The following RSPO2 variants were observed in gnomAD, a reference collection of about 807,000 sequenced individuals.
The protein encoded by RSPO2 is R-spondin 2, also known as R-spondin-2.
In RSPO2, 14 loss-of-function variants were observed where a neutral mutation model predicts 30.9. The ratio of observed to expected loss-of-function variants is 0.45; its 90% CI spans 0.30 to 0.71. The LOEUF (loss-of-function observed/expected upper bound fraction) is 0.71. RSPO2 is among the 30% of genes least tolerant of loss of function. The pLI, the probability that RSPO2 is intolerant of heterozygous loss-of-function variation, is 0.08. For missense variants in RSPO2, 264 were observed against 301.9 expected (o/e 0.87, Z 0.93); for synonymous variants, 107 against 96.4 (o/e 1.11, Z -0.64).
intron 4 of RSPO2, among the ~76,000 whole-genome samples, chr8:107,960,426 TAAA>T (rs542532693): frequency 1.3e-5 from 2 of 151,202 alleles, no homozygotes; most frequent in Admixed American, 1.3e-4. Flanking sequence ...CACGGATGAT[TAAA>T]AAAAAACCTT....
chr8:108,081,447 T>C (rs1813192337), intron 2 of RSPO2, among the ~76,000 whole-genome samples: 2 of 152,178 alleles, frequency 1.3e-5, no homozygotes, highest in Non-Finnish European at 2.9e-5. Context: ...AAATTCTAAT[T>C]GCGCAAAAGT....
chr8:108,019,840 A>C (rs1811004319), intron 2 of RSPO2, among the ~76,000 whole-genome samples: 1 of 152,158 alleles, frequency 6.6e-6, no homozygotes, highest in East Asian at 1.9e-4. Context: ...TTAAAAGGGT[A>C]GACTTTGTGC....
rs750816937 is a variant in RSPO2 at position 107,974,841 on chromosome 8, T to TACACACACAC, written c.284-14025_284-14024insGTGTGTGTGT. ...TCATGCAGGATTGTGAACACACACA[T>TACACACACAC]ACACATACACACACACACACACACA... On this transcript the variant is annotated intron_variant, in intron 3 of 5. Transcript: ENST00000276659. Among the ~76,000 whole-genome samples the TACACACACAC allele has an allele frequency of 9.5e-4, 90 of 94,410 alleles. 3 individuals are homozygous for TACACACACAC. In the South Asian group the frequency reaches 0.031, roughly 32 times the overall value. The allele number at this position is 94,410 out of a possible 152,430, so 61.9% of individuals were successfully genotyped here.
At chr8:107,905,249 G>T (rs1480181216) in intron 5 of RSPO2, among the ~76,000 whole-genome samples, 1 of 152,016 alleles carries the variant, frequency 6.6e-6, no homozygotes, top group African/African-American at 2.4e-5. Context: ...GTAAGGCACC[G>T]AGGCTGTCTA....
Position 108,065,829 on chromosome 8 carries a change from G to C in RSPO2, c.94+16716C>G, listed in dbSNP as rs535535117. Among the ~76,000 whole-genome samples the C allele has an allele frequency of 3.3e-5, 5 of 152,292 alleles. 1 individual carries two copies. The highest frequency in any genetic ancestry group is 1.2e-4 in the African/African-American group (5 of 41,554). ...AAGGTGGGCGGATCACCTGAGATCAGTAGTTCCAGACCAGCCTGGCCAACA... is the reference window on the plus strand; with the variant it reads ...AAGGTGGGCGGATCACCTGAGATCACTAGTTCCAGACCAGCCTGGCCAACA... On this transcript the variant is annotated intron_variant, in intron 2 of 5. Coordinates refer to ENST00000276659, the MANE Select transcript of RSPO2 (RefSeq NM_178565.5).
intron 5 of RSPO2, among the ~76,000 whole-genome samples, chr8:107,937,822 T>C (rs1812769048): frequency 6.6e-6 from 1 of 152,114 alleles, no homozygotes; most frequent in Non-Finnish European, 1.5e-5. Flanking sequence ...AAATTTTTAG[T>C]AACTGGATGC....
chr8:108,021,166 C>G (rs193004531), intron 2 of RSPO2, among the ~76,000 whole-genome samples: 1 of 152,294 alleles, frequency 6.6e-6, no homozygotes, highest in East Asian at 1.9e-4. Flanking sequence ...ATCCCTAAGG[C>G]TTGGTCTCAA....
chr8:108,004,806 T>C (rs950692102), intron 2 of RSPO2, among the ~76,000 whole-genome samples: 1 of 152,228 alleles, frequency 6.6e-6, no homozygotes, highest in Non-Finnish European at 1.5e-5. Context: ...CCCTCTTACC[T>C]CTAAAATTTT....
At chr8:107,969,802 T>C (rs1813933631) in intron 3 of RSPO2, among the ~76,000 whole-genome samples, 1 of 152,164 alleles carries the variant, frequency 6.6e-6, no homozygotes, top group Non-Finnish European at 1.5e-5. Flanking sequence ...AGATTTTAAA[T>C]TCCTGCCATT....
At chr8:107,941,777 C>T (rs1325823383) in intron 5 of RSPO2, among the ~76,000 whole-genome samples, 1 of 152,064 alleles carries the variant, frequency 6.6e-6, no homozygotes, top group Non-Finnish European at 1.5e-5. Flanking sequence ...ACTCTATAAA[C>T]AATGTAGTAA....
intron 2 of RSPO2, among the ~76,000 whole-genome samples, chr8:108,003,271 GTGTGTGTATATA>G (rs1815314215): frequency 5.8e-4 from 43 of 73,650 alleles, no homozygotes; most frequent in Non-Finnish European, 6.0e-4. Context: ...GTGTGTGTGT[GTGTGTGTATATA>G]TATATATATA....
chr8:107,983,589 T>C (rs4035020), intron 3 of RSPO2: 1 of 1,598,090 alleles, frequency 6.3e-7, no homozygotes, highest in Middle Eastern at 2.1e-4. Flanking sequence ...GTATTGGAAG[T>C]AAAGCCCCAA....
At chr8:107,922,213 G>C (rs1812196454) in intron 5 of RSPO2, among the ~76,000 whole-genome samples, 1 of 152,082 alleles carries the variant, frequency 6.6e-6, no homozygotes, top group Non-Finnish European at 1.5e-5. Context: ...CACAGCCTCA[G>C]CCCTAAAGCT....
Position 107,958,119 on chromosome 8 carries a change from A to G in RSPO2, c.577T>C (p.Ser193Pro). The G allele has an allele frequency of 2.5e-6, 4 of 1,613,760 alleles. No homozygotes were observed. Among genetic ancestry groups the G allele is most frequent in the African/African-American group, 1.3e-5 (1 of 75,014 alleles). ...DTILCPTIAESRRCKMTMRHC... is the reference protein window; with the variant it reads ...DTILCPTIAEPRRCKMTMRHC... ...CTCATTGTCATCTTGCATCTCCTGG[A>G]TTCAGCAATGGTTGGACACAGTATT... The change falls in exon 5 of 6, where the codon TCC becomes CCC. Residue 193 changes from serine to proline, a missense_variant. By Grantham distance (74) the Ser-to-Pro change is moderately conservative. Transcript: ENST00000276659.
At chr8:107,997,468 AAC>A (rs1815069961) in intron 2 of RSPO2, among the ~76,000 whole-genome samples, 1 of 152,190 alleles carries the variant, frequency 6.6e-6, no homozygotes, top group South Asian at 2.1e-4. Context: ...TTCCAACCAA[AAC>A]AGTTTTCTAA....
chr8:108,031,024 A>T (rs1346553828), intron 2 of RSPO2, among the ~76,000 whole-genome samples: 1 of 152,204 alleles, frequency 6.6e-6, no homozygotes, highest in Non-Finnish European at 1.5e-5. Flanking sequence ...ACTACTTTAT[A>T]CAAGCAGGGA....
rs1444668821 is a variant in RSPO2, at chr8:108,062,430, A to T, written c.94+20115T>A. On this transcript the variant is annotated intron_variant, in intron 2 of 5. Coordinates refer to ENST00000276659, the MANE Select transcript of RSPO2 (RefSeq NM_178565.5). The stretch of plus-strand genomic sequence containing the variant: ...ACACCTCTACACAAATAAACTAGGA[A>T]ATCTAGAAGAAATGGATAAACTCCT... 4.6e-5 allele frequency among the ~76,000 whole-genome samples: 7 copies of T among 151,924 alleles called. 1 individual carries two copies. The highest frequency in any genetic ancestry group is 1.7e-4 in the African/African-American group (7 of 41,172).
Position 107,988,929 on chromosome 8 carries a change from G to A in RSPO2, c.283+127C>T, listed in dbSNP as rs550893286. 3.0e-5 allele frequency: 26 copies of A among 871,604 alleles called. No homozygotes were observed. In the African/African-American group the frequency reaches 4.2e-4, roughly 14 times the overall value. The allele number at this position is 871,604 out of a possible 1,614,324, so 54.0% of individuals were successfully genotyped here. On this transcript the variant is annotated intron_variant, in intron 3 of 5. Transcript: ENST00000276659. ...AGGCATGACCCACCACACCCAGCAA[G>A]CTTAAACTATTTCTATCACCTATTA...
At chr8:107,931,424 C>G (rs1340983585) in intron 5 of RSPO2, among the ~76,000 whole-genome samples, 1 of 152,120 alleles carries the variant, frequency 6.6e-6, no homozygotes, top group Non-Finnish European at 1.5e-5. Context: ...TCCATCAAAA[C>G]ACATGATTGT....
Sources: allele counts gnomAD v4.1 joint callset (sites outside exome capture counted in the v4.1 genomes callset), GRCh38; gene constraint gnomAD v4.1.1; transcripts MANE v1.5; gene names NCBI Gene and HGNC (gene_info 2026-07-23, HGNC 2026-07-21).